The following ELMO1 variants were observed in gnomAD, a reference collection of about 807,000 sequenced individuals.
ELMO1 encodes the protein engulfment and cell motility protein 1.
A neutral mutation model predicts 98.9 loss-of-function variants in ELMO1; 26 were observed. That is an observed-to-expected ratio of 0.26 (90% confidence interval 0.19 to 0.36). ELMO1 has a LOEUF of 0.36. Ranked by LOEUF, ELMO1 falls within the 10% of genes least tolerant of loss-of-function variation. The pLI is 1.00. For missense variants in ELMO1, 627 were observed against 935.2 expected (o/e 0.67, Z 4.30); for synonymous variants, 346 against 346.0 (o/e 1.00, Z 0.00).
chr7:37,354,352 A>T (rs1485605865), intron 1 of ELMO1, among the ~76,000 whole-genome samples: 1 of 152,242 alleles, frequency 6.6e-6, no homozygotes, highest in Non-Finnish European at 1.5e-5. Flanking sequence ...AATTCCTTGC[A>T]CAGAAAACCT....
chr7:37,143,947 G>A (rs995687490), intron 13 of ELMO1, among the ~76,000 whole-genome samples: 3 of 151,986 alleles, frequency 2.0e-5, no homozygotes, highest in African/African-American at 7.3e-5. Flanking sequence ...CTGACCTCAG[G>A]TAATCCACCC....
At chr7:37,228,332 A>C (rs866852213) in intron 8 of ELMO1, among the ~76,000 whole-genome samples, 2 of 152,206 alleles carry the variant, frequency 1.3e-5, no homozygotes, top group Non-Finnish European at 2.9e-5. Flanking sequence ...AAGGTTATTC[A>C]TGCCTATTTA....
intron 1 of ELMO1, among the ~76,000 whole-genome samples, chr7:37,398,130 T>G (rs1803372966): frequency 6.6e-6 from 1 of 152,166 alleles, no homozygotes; most frequent in African/African-American, 2.4e-5. Flanking sequence ...ATAACAAACG[T>G]GCACACCTGC....
chr7:37,217,761 C>T (rs1048016714), intron 10 of ELMO1: 17 of 457,032 alleles, frequency 3.7e-5, no homozygotes, highest in African/African-American at 2.2e-4. Flanking sequence ...ATCAACCTAA[C>T]GGCGTCATCG....
intron 15 of ELMO1, among the ~76,000 whole-genome samples, chr7:37,080,662 A>G (rs993000542): frequency 7.5e-6 from 1 of 132,626 alleles, no homozygotes; most frequent in Non-Finnish European, 1.5e-5. Context: ...TATGTTGGCC[A>G]GGCTGGTCTT....
chr7:37,185,839 T>C (rs1791170275), intron 13 of ELMO1, among the ~76,000 whole-genome samples: 1 of 152,210 alleles, frequency 6.6e-6, no homozygotes, highest in African/African-American at 2.4e-5. Context: ...GGGTATCCCA[T>C]GTTCATGAAT....
intron 14 of ELMO1, among the ~76,000 whole-genome samples, chr7:37,101,105 T>A (rs1038572192): frequency 6.6e-6 from 1 of 152,204 alleles, no homozygotes; most frequent in African/African-American, 2.4e-5. Flanking sequence ...ACCAAAATCA[T>A]GACTGCAGTG....
intron 15 of ELMO1, among the ~76,000 whole-genome samples, chr7:37,042,491 A>G (rs1795576610): frequency 6.6e-6 from 1 of 152,182 alleles, no homozygotes; most frequent in African/African-American, 2.4e-5. Context: ...AGAGTTGCTC[A>G]ACTGCCCTGT....
chr7:37,239,444 C>T (rs905662897), intron 7 of ELMO1, among the ~76,000 whole-genome samples: 2 of 152,138 alleles, frequency 1.3e-5, no homozygotes, highest in African/African-American at 4.8e-5. Flanking sequence ...GGATTACAGG[C>T]GTGAGCCACC....
chr7:37,375,475 A>T, intron 1 of ELMO1: 1 of 697,624 alleles, frequency 1.4e-6, no homozygotes, highest in Admixed American at 2.1e-5. Context: ...AGCAAGATGG[A>T]GTCAGGTATG....
intron 13 of ELMO1, among the ~76,000 whole-genome samples, chr7:37,142,088 G>T (rs943082351): frequency 2.0e-5 from 3 of 152,154 alleles, no homozygotes; most frequent in African/African-American, 4.8e-5. Context: ...TGCTACTAAT[G>T]ATAAGAAGGA....
intron 6 of ELMO1, among the ~76,000 whole-genome samples, chr7:37,250,427 G>A (rs1303445013): frequency 2.6e-5 from 4 of 152,092 alleles, no homozygotes; most frequent in Non-Finnish European, 5.9e-5. Context: ...AGTCGTCTGT[G>A]GAAAGGCACA....
chr7:37,340,124 T>C (rs1364202885), intron 2 of ELMO1, among the ~76,000 whole-genome samples: 2 of 152,330 alleles, frequency 1.3e-5, no homozygotes, highest in East Asian at 1.9e-4. Context: ...AAAATAGCTA[T>C]AGAGGATCTT....
intron 2 of ELMO1, among the ~76,000 whole-genome samples, chr7:37,336,714 G>A (rs924180129): frequency 6.6e-6 from 1 of 152,196 alleles, no homozygotes; most frequent in Non-Finnish European, 1.5e-5. Context: ...GTAACCGAGA[G>A]GGTGAGGACA....
intron 1 of ELMO1, among the ~76,000 whole-genome samples, chr7:37,421,042 G>C (rs1804450067): frequency 6.6e-6 from 1 of 152,192 alleles, no homozygotes; most frequent in South Asian, 2.1e-4. Context: ...AGAACCCTAA[G>C]CCACATCTTC....
rs570468989 is a variant in ELMO1, at chr7:37,130,765, G to C, written c.1191+2365C>G. ...TGCATATATACATGTGTTTGTGTGT[G>C]TGTGTGTGTGTTACAATTTTTTTTT... On this transcript the variant is annotated intron_variant, in intron 14 of 21. Transcript: ENST00000310758. Among the ~76,000 whole-genome samples the C allele has an allele frequency of 2.7e-4, 41 of 152,214 alleles. No homozygotes were observed. In the East Asian group the frequency reaches 7.1e-3, roughly 27 times the overall value.
chr7:37,291,939 T>TCCCCCTCCCC (rs1360248672), intron 4 of ELMO1, among the ~76,000 whole-genome samples: 2 of 64,412 alleles, frequency 3.1e-5, no homozygotes, highest in African/African-American at 1.2e-4. Flanking sequence ...TCCCCCTCCC[T>TCCCCCTCCCC]CTCCCTCTGC....
intron 13 of ELMO1, among the ~76,000 whole-genome samples, chr7:37,144,590 G>T (rs1376474161): frequency 6.6e-6 from 1 of 152,144 alleles, no homozygotes; most frequent in Non-Finnish European, 1.5e-5. Flanking sequence ...TGCAAAGCCT[G>T]TGTACCTCTG....
intron 13 of ELMO1, among the ~76,000 whole-genome samples, chr7:37,181,360 TG>T (rs1012737550): frequency 1.3e-5 from 2 of 151,478 alleles, no homozygotes; most frequent in Non-Finnish European, 2.9e-5. Context: ...CCCTGCAGGG[TG>T]GGGTTACACC....
Sources: allele counts gnomAD v4.1 joint callset (sites outside exome capture counted in the v4.1 genomes callset), GRCh38; gene constraint gnomAD v4.1.1; transcripts MANE v1.5; gene names NCBI Gene and HGNC (gene_info 2026-07-23, HGNC 2026-07-21).